BRIP1: variants seen among roughly 807,000 people sequenced by gnomAD.
BRIP1 encodes BRCA1 interacting DNA helicase 1.
In BRIP1, 88 loss-of-function variants were observed where a neutral mutation model predicts 119.7. The observed-to-expected ratio is 0.74, with a 90% CI of 0.62 to 0.88. The LOEUF (loss-of-function observed/expected upper bound fraction) is 0.88, where lower values mean the gene tolerates loss of function less well. Among genes scored for constraint, BRIP1 ranks in the 40% least tolerant of loss-of-function variants. The pLI is 0.00. For synonymous variants in BRIP1, 443 were observed against 496.5 expected (o/e 0.89, Z 1.43); for missense variants, 1,259 against 1,455.4 (o/e 0.87, Z 2.20).
intron 4 of BRIP1, among the ~76,000 whole-genome samples, chr17:61,855,975 T>C (rs777806602): frequency 6.6e-6 from 1 of 152,096 alleles, no homozygotes; most frequent in Non-Finnish European, 1.5e-5. Flanking sequence ...AAATCAGTGA[T>C]GGATACCCCA....
rs2078494705 is a variant in BRIP1 at position 61,831,655 on chromosome 17, G to T, written c.627+15446C>A. Among the ~76,000 whole-genome samples the T allele has an allele frequency of 6.6e-6, 1 of 152,112 alleles. No homozygotes were observed. The highest frequency in any genetic ancestry group is 2.1e-4 in the South Asian group (1 of 4,832). On this transcript the variant is annotated intron_variant, in intron 6 of 19. Transcript: ENST00000259008. The surrounding 1 kb of genome is among the most constrained non-coding windows in gnomAD (Gnocchi z 4.1). The stretch of plus-strand genomic sequence containing the variant: ...TTATTTATCAATGGACATTTTGGTT[G>T]TTTCCACCTTTTGGCTATTGTGAAT...
In BRIP1 at chr17:61,762,467, C is replaced by A. The variant is rs2077291848; in HGVS notation, c.2097+13934G>T. On this transcript the variant is annotated intron_variant, in intron 14 of 19. Coordinates refer to ENST00000259008, the MANE Select transcript of BRIP1 (RefSeq NM_032043.3). The surrounding 1 kb of genome is among the most constrained non-coding windows in gnomAD (Gnocchi z 4.3). The stretch of plus-strand genomic sequence containing the variant: ...CAGATTGGGAGAAAATATTTACAAG[C>A]TATATATCCAATAAGGAGTTAATGT... Among the ~76,000 whole-genome samples, 1 of 152,122 alleles carries A rather than the reference C, an allele frequency of 6.6e-6. No individual in the cohort carries two copies. The highest frequency in any genetic ancestry group is 6.6e-5 in the Admixed American group (1 of 15,260).
chr17:61,848,086 G>A lies in BRIP1; in HGVS notation c.508-866C>T, dbSNP rs1425055815. Reference sequence around the variant, plus strand: ...TAAGTGGAACAGTTAAACTACATAAGACTTCAAGAACCTTGAGTATACTCA... The same window carrying A: ...TAAGTGGAACAGTTAAACTACATAAAACTTCAAGAACCTTGAGTATACTCA... On this transcript the variant is annotated intron_variant, in intron 5 of 19. Coordinates refer to ENST00000259008, the MANE Select transcript of BRIP1 (RefSeq NM_032043.3). The surrounding 1 kb of genome is among the most constrained non-coding windows in gnomAD (Gnocchi z 4.3). 7.9e-5 allele frequency among the ~76,000 whole-genome samples: 12 copies of A among 152,060 alleles called. No homozygotes were observed. The highest frequency in any genetic ancestry group is 7.9e-4 in the Admixed American group (12 of 15,260).
At chr17:61,777,752 A>G (rs1274515832) in intron 13 of BRIP1, among the ~76,000 whole-genome samples, 1 of 152,012 alleles carries the variant, frequency 6.6e-6, no homozygotes. Context: ...GTGTTCAGCT[A>G]TCTGGAAGCT....
In BRIP1 at chr17:61,841,844, A is replaced by C. The variant is rs986848561; in HGVS notation, c.627+5257T>G. ...CAGGCACGTACCACCACGCCTGGCTAATTTTTTTAAAAATTTTGTACAGAT... is the reference window on the plus strand; with the variant it reads ...CAGGCACGTACCACCACGCCTGGCTCATTTTTTTAAAAATTTTGTACAGAT... On this transcript the variant is annotated intron_variant, in intron 6 of 19. Coordinates refer to ENST00000259008, the MANE Select transcript of BRIP1 (RefSeq NM_032043.3). This position sits in a 1 kb window ranked among gnomAD's most constrained non-coding sequence, Gnocchi z 4.1. 1.3e-5 allele frequency among the ~76,000 whole-genome samples: 2 copies of C among 152,072 alleles called. No homozygotes were observed. The highest frequency in any genetic ancestry group is 4.8e-5 in the African/African-American group (2 of 41,406).
In BRIP1 at chr17:61,842,044, A is replaced by C. The variant is rs1477244225; in HGVS notation, c.627+5057T>G. 4.6e-5 allele frequency among the ~76,000 whole-genome samples: 7 copies of C among 152,186 alleles called. No homozygotes were observed. Reference sequence around the variant, plus strand: ...GGAGTTGGCATCAACCTAAATGTCCATCAACAGATGAATGGATAAAGAAAA... The same window carrying C: ...GGAGTTGGCATCAACCTAAATGTCCCTCAACAGATGAATGGATAAAGAAAA... On this transcript the variant is annotated intron_variant, in intron 6 of 19. Transcript: ENST00000259008. The surrounding 1 kb of genome is among the most constrained non-coding windows in gnomAD (Gnocchi z 5.1).
rs1230350546 is a variant in BRIP1, at chr17:61,794,026, G to C, written c.1341-297C>G. Among the ~76,000 whole-genome samples the C allele has an allele frequency of 1.3e-5, 2 of 152,112 alleles. No homozygotes were observed. The highest frequency in any genetic ancestry group is 2.9e-5 in the Non-Finnish European group (2 of 68,004). Reference sequence around the variant, plus strand: ...TTAGCTAATGTCTCTTCAACTGAGAGCCAGGTCTTAGGTACTTATCCCAAA... The same window carrying C: ...TTAGCTAATGTCTCTTCAACTGAGACCCAGGTCTTAGGTACTTATCCCAAA... On this transcript the variant is annotated intron_variant, in intron 9 of 19. Transcript: ENST00000259008. The surrounding 1 kb of genome is among the most constrained non-coding windows in gnomAD (Gnocchi z 4.3).
In BRIP1 at chr17:61,697,738, C is replaced by T. The variant is rs528039284; in HGVS notation, c.2493-4226G>A. Among the ~76,000 whole-genome samples, 336 of 148,232 alleles carry T rather than the reference C, an allele frequency of 2.3e-3. 1 individual carries two copies. Among genetic ancestry groups the T allele is most frequent in the African/African-American group, 7.5e-3 (302 of 40,186 alleles). Reference sequence around the variant, plus strand: ...GGGTTTAGTTTGCTCTTTTTTTTTTCCTAATTCCTTAAGGAGGAAGGTTAG... The same window carrying T: ...GGGTTTAGTTTGCTCTTTTTTTTTTTCTAATTCCTTAAGGAGGAAGGTTAG... On this transcript the variant is annotated intron_variant, in intron 17 of 19. Coordinates refer to ENST00000259008, the MANE Select transcript of BRIP1 (RefSeq NM_032043.3).
Position 61,770,700 on chromosome 17 carries a change from A to G in BRIP1, c.2097+5701T>C, listed in dbSNP as rs1055510900. On this transcript the variant is annotated intron_variant, in intron 14 of 19. Coordinates refer to ENST00000259008, the MANE Select transcript of BRIP1 (RefSeq NM_032043.3). This position sits in a 1 kb window ranked among gnomAD's most constrained non-coding sequence, Gnocchi z 4.7. ...TTAAATTAGTATTAATCCAAACTAC[A>G]TAAGATGTTAAATATAATTCCTAGG... 3.3e-5 allele frequency among the ~76,000 whole-genome samples: 5 copies of G among 152,190 alleles called. No individual in the cohort carries two copies. Among genetic ancestry groups the G allele is most frequent in the African/African-American group, 9.6e-5 (4 of 41,472 alleles).
At position 61,679,529 on chromosome 17, in the gene BRIP1, T is replaced by G. The variant is rs561345470; in HGVS notation, c.*3767A>C. On this transcript the variant is annotated 3_prime_UTR_variant, in exon 20 of 20. Transcript: ENST00000259008. The surrounding 1 kb of genome is among the most constrained non-coding windows in gnomAD (Gnocchi z 4.4). ...ATAATTATTTCATATGCATTGAATG[T>G]GTCACATAAATTATTTGATAAACAA... Among the ~76,000 whole-genome samples the G allele has an allele frequency of 1.6e-4, 24 of 152,324 alleles. No homozygotes were observed. Among genetic ancestry groups the G allele is most frequent in the African/African-American group, 5.8e-4 (24 of 41,572 alleles).
In BRIP1 at chr17:61,753,570, G is replaced by A. The variant is rs552202480; in HGVS notation, c.2098-8979C>T. ...TAGTGGGAGAGTACAGATTTAAAAGGGGGGACCAGCAAGAAAATCTTATTT... is the reference window on the plus strand; with the variant it reads ...TAGTGGGAGAGTACAGATTTAAAAGAGGGGACCAGCAAGAAAATCTTATTT... On this transcript the variant is annotated intron_variant, in intron 14 of 19. Transcript: ENST00000259008. The surrounding 1 kb of genome is among the most constrained non-coding windows in gnomAD (Gnocchi z 4.6). 6.6e-6 allele frequency among the ~76,000 whole-genome samples: 1 copy of A among 151,622 alleles called. No homozygotes were observed. The highest frequency in any genetic ancestry group is 2.1e-4 in the South Asian group (1 of 4,804).
At position 61,683,024 on chromosome 17, in the gene BRIP1, CAG is replaced by C. The variant is rs2061290678; in HGVS notation, c.*270_*271del. ...GTGCACACCTGTAGTCCCAGCTACTCAGAAGGCTGAGGCAGGAGAATCACTTG... is the reference window on the plus strand; with the variant it reads ...GTGCACACCTGTAGTCCCAGCTACTCAAGGCTGAGGCAGGAGAATCACTTG... On this transcript the variant is annotated 3_prime_UTR_variant, in exon 20 of 20. Coordinates refer to ENST00000259008, the MANE Select transcript of BRIP1 (RefSeq NM_032043.3). This position sits in a 1 kb window ranked among gnomAD's most constrained non-coding sequence, Gnocchi z 4.7. 2.4e-6 allele frequency: 1 copy of C among 408,738 alleles called. No homozygotes were observed. 25.3% of individuals were successfully genotyped at this position (408,738 alleles called of 1,614,324 possible). A position where few individuals can be genotyped will look rare whatever the true frequency, so the allele number is the denominator to read the frequency against.
chr17:61,841,847 T>C lies in BRIP1; in HGVS notation c.627+5254A>G, dbSNP rs2078662276. On this transcript the variant is annotated intron_variant, in intron 6 of 19. Coordinates refer to ENST00000259008, the MANE Select transcript of BRIP1 (RefSeq NM_032043.3). The surrounding 1 kb of genome is among the most constrained non-coding windows in gnomAD (Gnocchi z 4.1). The stretch of plus-strand genomic sequence containing the variant: ...GCACGTACCACCACGCCTGGCTAAT[T>C]TTTTTAAAAATTTTGTACAGATGGG... Among the ~76,000 whole-genome samples the C allele has an allele frequency of 6.6e-6, 1 of 152,116 alleles. No individual in the cohort carries two copies. The highest frequency in any genetic ancestry group is 2.4e-5 in the African/African-American group (1 of 41,434).
rs903777279 is a variant in BRIP1 at position 61,861,364 on chromosome 17, G to T, written c.93+83C>A. On this transcript the variant is annotated intron_variant, in intron 2 of 19. Transcript: ENST00000259008. The surrounding 1 kb of genome is among the most constrained non-coding windows in gnomAD (Gnocchi z 4.5). ...AATATTCTCCATTTACTGAGAATATGAATGCAGTCAAATACTCAATGTACT... is the reference window on the plus strand; with the variant it reads ...AATATTCTCCATTTACTGAGAATATTAATGCAGTCAAATACTCAATGTACT... 2.2e-6 allele frequency: 2 copies of T among 903,138 alleles called. No homozygotes were observed. Among genetic ancestry groups the T allele is most frequent in the African/African-American group, 1.6e-5 (1 of 60,820 alleles). 55.9% of individuals were successfully genotyped at this position (903,138 alleles called of 1,614,324 possible).
At chr17:61,840,143 G>A (rs755781112) in intron 6 of BRIP1, among the ~76,000 whole-genome samples, 2 of 152,032 alleles carry the variant, frequency 1.3e-5, no homozygotes, top group Middle Eastern at 3.4e-3. Flanking sequence ...CAGATCACCC[G>A]AGGTCAGGCG....
chr17:61,700,490 T>C lies in BRIP1; in HGVS notation c.2493-6978A>G, dbSNP rs1000557454. Among the ~76,000 whole-genome samples the C allele has an allele frequency of 1.3e-5, 2 of 152,204 alleles. No homozygotes were observed. The highest frequency in any genetic ancestry group is 2.9e-5 in the Non-Finnish European group (2 of 68,034). On this transcript the variant is annotated intron_variant, in intron 17 of 19. Coordinates refer to ENST00000259008, the MANE Select transcript of BRIP1 (RefSeq NM_032043.3). This position sits in a 1 kb window ranked among gnomAD's most constrained non-coding sequence, Gnocchi z 4.1. ...ATATAGTATTCTTGGTTGACAGTCA[T>C]TTTCTTTCAGCACTTTGAACATGTC...
chr17:61,693,623 A>T lies in BRIP1; in HGVS notation c.2493-111T>A. Reference sequence around the variant, plus strand: ...AAATCAATTTTATAGATTCCTTTAAACAATTTGTTATTATCAGAAAAGTTA... The same window carrying T: ...AAATCAATTTTATAGATTCCTTTAATCAATTTGTTATTATCAGAAAAGTTA... On this transcript the variant is annotated intron_variant, in intron 17 of 19. Coordinates refer to ENST00000259008, the MANE Select transcript of BRIP1 (RefSeq NM_032043.3). This position sits in a 1 kb window ranked among gnomAD's most constrained non-coding sequence, Gnocchi z 4.2. The T allele has an allele frequency of 1.2e-6, 1 of 865,536 alleles. No homozygotes were observed. The highest frequency in any genetic ancestry group is 1.9e-6 in the Non-Finnish European group (1 of 532,400). The allele number at this position is 865,536 out of a possible 1,614,324, so 53.6% of individuals were successfully genotyped here. A position where few individuals can be genotyped will look rare whatever the true frequency, so the allele number is the denominator to read the frequency against.
Position 61,683,150 on chromosome 17 carries a change from C to T in BRIP1, c.*146G>A. On this transcript the variant is annotated 3_prime_UTR_variant, in exon 20 of 20. Transcript: ENST00000259008. The surrounding 1 kb of genome is among the most constrained non-coding windows in gnomAD (Gnocchi z 4.7). The stretch of plus-strand genomic sequence containing the variant: ...TGTCTCAAAAAAAAAAACCCAAAAA[C>T]TCAAGAATAATAACATTTACATTTC... The T allele has an allele frequency of 1.9e-6, 2 of 1,051,762 alleles. No individual in the cohort carries two copies. The highest frequency in any genetic ancestry group is 2.7e-6 in the Non-Finnish European group (2 of 742,974). The allele number at this position is 1,051,762 out of a possible 1,614,324, so 65.2% of individuals were successfully genotyped here. A position where few individuals can be genotyped will look rare whatever the true frequency, so the allele number is the denominator to read the frequency against.
rs1331591902 is a variant in BRIP1, at chr17:61,823,512, G to A, written c.628-14755C>T. Among the ~76,000 whole-genome samples the A allele has an allele frequency of 6.6e-6, 1 of 152,068 alleles. No individual in the cohort carries two copies. The highest frequency in any genetic ancestry group is 6.5e-5 in the Admixed American group (1 of 15,270). On this transcript the variant is annotated intron_variant, in intron 6 of 19. Transcript: ENST00000259008. This position sits in a 1 kb window ranked among gnomAD's most constrained non-coding sequence, Gnocchi z 4.8. ...ATTAGAAATAGCAGAAGAGATCAAGGAGCTTGACAAATCGGCAATAGAAGG... is the reference window on the plus strand; with the variant it reads ...ATTAGAAATAGCAGAAGAGATCAAGAAGCTTGACAAATCGGCAATAGAAGG...
Sources: gnomAD v4.1 joint callset for allele counts (sites outside exome capture counted in the v4.1 genomes callset) on GRCh38, gnomAD v4.1.1 for gene constraint, Gnocchi (gnomAD v3.1) non-coding constraint, MANE v1.5 for transcripts, NCBI Gene and HGNC (gene_info 2026-07-23, HGNC 2026-07-21) for gene names.